Variants in GLI2 observed in about 807,000 individuals in gnomAD.
The protein encoded by GLI2 is transcription activator GLI2.
Under a neutral mutation model 78.9 loss-of-function variants are expected in GLI2, and 22 were observed. The observed-to-expected ratio is 0.28, with a 90% CI of 0.20 to 0.40. The LOEUF is 0.40. GLI2 is among the 10% of genes least tolerant of loss of function. The pLI is 1.00. For missense variants in GLI2, 2,097 were observed against 2,213.2 expected (o/e 0.95, Z 1.05); for synonymous variants, 974 against 963.7 (o/e 1.01, Z -0.20).
chr2:120,797,525 AGG>A (rs1366365160), intron 2 of GLI2, 57 bp downstream of exon 2: 258 of 1,534,250 alleles, frequency 1.7e-4, no homozygotes, highest in Admixed American at 9.6e-4. Flanking sequence ...TTAGCCCGTT[AGG>A]ATTTAATTAG....
At chr2:120,827,170 A>T (rs1250630459) in intron 2 of GLI2, among the ~76,000 whole-genome samples, 1 of 152,116 alleles carries the variant, frequency 6.6e-6, no homozygotes, top group African/African-American at 2.4e-5. Context: ...CAAACATATG[A>T]CTATGTTGCC....
chr2:120,988,607 G>A lies in GLI2; in HGVS notation c.2642G>A (p.Gly881Asp). The A allele has an allele frequency of 6.8e-7, 1 of 1,477,072 alleles. No individual in the cohort carries two copies. The highest frequency in any genetic ancestry group is 8.9e-7 in the Non-Finnish European group (1 of 1,119,666). The allele number at this position is 1,477,072 out of a possible 1,614,324, so 91.5% of individuals were successfully genotyped here. Residue 881 changes from glycine to aspartate, a missense_variant, in exon 14 of 14, where the codon GGC becomes GAC. Physicochemically the swap from Gly to Asp is moderately conservative, Grantham distance 94 (BLOSUM62 -1). Around this residue, in one of 5 missense-constraint regions of GLI2, gnomAD observed 1,290 missense variants for 1,261.7 expected, o/e 1.02. Transcript: ENST00000361492. ...SLRAKYAAAT[G>D]GPPPTPLPGL... ...CGGGCCAAGTACGCGGCAGCCACTG[G>A]CGGCCCCCCGCCCACTCCGCTGCCG... is the stretch of plus-strand genomic sequence containing the variant.
chr2:120,863,252 C>T (rs961579787), intron 2 of GLI2, among the ~76,000 whole-genome samples: 1 of 152,208 alleles, frequency 6.6e-6, no homozygotes, highest in African/African-American at 2.4e-5. Context: ...GGCATTTCTC[C>T]GGCAGCCGAC....
At chr2:120,941,539 C>T (rs1433500510) in intron 3 of GLI2, among the ~76,000 whole-genome samples, 2 of 152,210 alleles carry the variant, frequency 1.3e-5, no homozygotes, top group Non-Finnish European at 2.9e-5. Flanking sequence ...GACACATGCA[C>T]GCCCTGTCCT....
At chr2:120,917,671 GAC>G (rs1297861966) in intron 2 of GLI2, among the ~76,000 whole-genome samples, 128 of 152,378 alleles carry the variant, frequency 8.4e-4, no homozygotes, top group African/African-American at 3.0e-3. Context: ...CATAGGCTGG[GAC>G]CTGGTCACAT....
intron 2 of GLI2, among the ~76,000 whole-genome samples, chr2:120,820,311 C>G (rs1685701505): frequency 6.6e-6 from 1 of 152,228 alleles, no homozygotes; most frequent in Non-Finnish European, 1.5e-5. Flanking sequence ...AGCTGTCGCC[C>G]TCGTATTTGC....
In GLI2 at chr2:120,970,421, A is replaced by G; in HGVS notation, c.874A>G (p.Asn292Asp). Residue 292 changes from asparagine to aspartate, a missense_variant, in exon 7 of 14, where the codon AAC (asparagine) becomes GAC (aspartate). Asn to Asp is a conservative substitution (Grantham distance 23). Around this residue, in one of 5 missense-constraint regions of GLI2, gnomAD observed 578 missense variants for 612.0 expected, o/e 0.94. Coordinates refer to ENST00000361492, the MANE Select transcript of GLI2 (RefSeq NM_001374353.1). ...SPAFTFPHPI[N>D]PVAYQQILSQ... ...AGCCTTCACCTTCCCCCACCCCATC[A>G]ACCCCGTGGCCTACCAGCAGATTCT... 6.2e-7 allele frequency: 1 copy of G among 1,609,138 alleles called. No individual in the cohort carries two copies. Among genetic ancestry groups the G allele is most frequent in the East Asian group, 2.2e-5 (1 of 44,714 alleles).
At chr2:120,849,232 G>T (rs1687279202) in intron 2 of GLI2, among the ~76,000 whole-genome samples, 2 of 152,174 alleles carry the variant, frequency 1.3e-5, no homozygotes, top group African/African-American at 4.8e-5. Context: ...AGTTTGGGAA[G>T]ATGGAAAAGT....
chr2:120,876,169 G>A (rs187982840), intron 2 of GLI2, among the ~76,000 whole-genome samples: 3 of 152,172 alleles, frequency 2.0e-5, no homozygotes, highest in African/African-American at 7.2e-5. Context: ...GTGAAACCCC[G>A]TCTCTACTAA....
intron 6 of GLI2, 67 bp downstream of exon 6, chr2:120,968,982 T>C: frequency 1.5e-6 from 2 of 1,301,660 alleles, no homozygotes; most frequent in Non-Finnish European, 2.2e-6. Flanking sequence ...GGGGAGGCGC[T>C]GGCTTTTCAG....
At position 120,990,315 on chromosome 2, in the gene GLI2, G is replaced by C; in HGVS notation, c.4350G>C (p.Gln1450His). 6.2e-7 allele frequency: 1 copy of C among 1,613,788 alleles called. No individual in the cohort carries two copies. The highest frequency in any genetic ancestry group is 8.5e-7 in the Non-Finnish European group (1 of 1,180,026). Reference protein sequence around the residue: ...DGGLENLGSCQVMRSQPPQPQ... With the variant: ...DGGLENLGSCHVMRSQPPQPQ... ...GCCTGGAGAACCTCGGGAGCTGCCA[G>C]GTCATGCGGTCCCAGCCACCACAGC... The change falls in exon 14 of 14, where the codon CAG (glutamine) becomes CAC (histidine). Residue 1450 changes from glutamine (Q) to histidine (H), a missense_variant. By Grantham distance (24) the Gln-to-His change is conservative (BLOSUM62 0). Around this residue, in one of 5 missense-constraint regions of GLI2, gnomAD observed 1,290 missense variants for 1,261.7 expected, o/e 1.02. Coordinates refer to ENST00000361492, the MANE Select transcript of GLI2 (RefSeq NM_001374353.1).
At chr2:120,838,893 A>G (rs1452222700) in intron 2 of GLI2, among the ~76,000 whole-genome samples, 4 of 152,226 alleles carry the variant, frequency 2.6e-5, no homozygotes, top group African/African-American at 7.2e-5. Context: ...GTGGTAGGCT[A>G]TACATTTAGT....
At chr2:120,744,611 C>G (rs1052629833) in intron 1 of GLI2, among the ~76,000 whole-genome samples, 1 of 152,178 alleles carries the variant, frequency 6.6e-6, no homozygotes, top group Admixed American at 6.5e-5. Context: ...GGATGTGCGA[C>G]ATGTATATTT....
At chr2:120,891,552 G>A (rs891748847) in intron 2 of GLI2, among the ~76,000 whole-genome samples, 1 of 152,196 alleles carries the variant, frequency 6.6e-6, no homozygotes, top group Non-Finnish European at 1.5e-5. Flanking sequence ...CGGGCGTACA[G>A]AATGTGATTG....
intron 7 of GLI2, 133 bp downstream of exon 7, chr2:120,970,739 G>A: frequency 1.3e-6 from 1 of 747,834 alleles, no homozygotes; most frequent in Non-Finnish European, 2.3e-6. Flanking sequence ...TGCCTTCTGG[G>A]CAGAGGCCAC....
intron 10 of GLI2, among the ~76,000 whole-genome samples, chr2:120,979,608 A>G (rs566778712): frequency 1.3e-5 from 2 of 152,348 alleles, no homozygotes; most frequent in African/African-American, 4.8e-5. Flanking sequence ...CATACCATAA[A>G]GTTCACCCTT....
chr2:120,962,922 C>T (rs1681656227), intron 5 of GLI2, among the ~76,000 whole-genome samples: 2 of 152,168 alleles, frequency 1.3e-5, no homozygotes, highest in Non-Finnish European at 2.9e-5. Context: ...TTTTTCCCCT[C>T]ACATTACCGT....
chr2:120,805,118 C>G (rs934707812), intron 2 of GLI2, among the ~76,000 whole-genome samples: 2 of 152,218 alleles, frequency 1.3e-5, no homozygotes, highest in African/African-American at 2.4e-5. Context: ...ATTCCTCTGG[C>G]CTGTCCTGGC....
At chr2:120,843,922 C>T (rs28384165) in intron 2 of GLI2, among the ~76,000 whole-genome samples, 8,484 of 152,208 alleles carry the variant, frequency 0.056, 275 homozygotes, top group East Asian at 0.091. Flanking sequence ...CCACCTCAGC[C>T]TCCCAAAGTG....
Sources: gnomAD v4.1 joint callset for allele counts (sites outside exome capture counted in the v4.1 genomes callset) on GRCh38, gnomAD v4.1.1 for gene constraint, gnomAD v4.1.1 regional missense constraint, MANE v1.5 for transcripts, NCBI Gene and HGNC (gene_info 2026-07-23, HGNC 2026-07-21) for gene names.